The following CMAS variants were observed in gnomAD, a reference collection of about 807,000 sequenced individuals.
CMAS encodes cytidine monophosphate N-acetylneuraminic acid synthetase.
In CMAS, 21 loss-of-function variants were observed where a neutral mutation model predicts 53.4. The ratio of observed to expected loss-of-function variants is 0.39; its 90% CI spans 0.28 to 0.57. The LOEUF is 0.57. Ranked by LOEUF, CMAS falls within the 20% of genes least tolerant of loss-of-function variation. CMAS has a pLI of 0.56. For missense variants in CMAS, 384 were observed against 534.9 expected, an observed-to-expected ratio of 0.72 and a Z score of 2.78; for synonymous variants, 189 against 195.2, an observed-to-expected ratio of 0.97 and a Z score of 0.27.
chr12:22,064,530 A>G (rs1271323376), intron 7 of CMAS, among the ~76,000 whole-genome samples: 5 of 152,146 alleles, frequency 3.3e-5, no homozygotes, highest in African/African-American at 1.2e-4. Context: ...AGCTGGGGGT[A>G]TCTCAACATA....
At chr12:22,058,222 C>T (rs1425744675) in intron 3 of CMAS, among the ~76,000 whole-genome samples, 1 of 151,080 alleles carries the variant, frequency 6.6e-6, no homozygotes. Context: ...GTCAGGAGTT[C>T]GAGACCAGCC....
intron 3 of CMAS, among the ~76,000 whole-genome samples, chr12:22,056,610 A>C (rs1308469157): frequency 1.3e-5 from 2 of 152,086 alleles, no homozygotes; most frequent in Non-Finnish European, 2.9e-5. Context: ...TGATGACCAC[A>C]ATACTATTAT....
At position 22,065,214 on chromosome 12, in the gene CMAS, A is replaced by G; in HGVS notation, c.1208A>G (p.Tyr403Cys). Residue 403 changes from tyrosine (Y) to cysteine (C), a missense_variant, in exon 8 of 8, where the codon TAC becomes TGC. Transcript: ENST00000229329. The part of the protein sequence containing the change: ...ACSTAQKAVG[Y>C]ICKCNGGRGA... ...TCTACTGCCCAGAAGGCTGTTGGAT[A>G]CATTTGCAAATGTAATGGTGGCCGT... is the stretch of plus-strand genomic sequence containing the variant. The G allele has an allele frequency of 6.2e-7, 1 of 1,614,168 alleles. No individual in the cohort carries two copies. The highest frequency in any genetic ancestry group is 8.5e-7 in the Non-Finnish European group (1 of 1,180,000).
intron 1 of CMAS, among the ~76,000 whole-genome samples, chr12:22,052,635 A>T (rs762290603): frequency 6.6e-6 from 1 of 152,136 alleles, no homozygotes; most frequent in Non-Finnish European, 1.5e-5. Context: ...TCTCTATTTT[A>T]AAAATGCACT....
chr12:22,046,426 GC>G lies in CMAS; in HGVS notation c.128del (p.Pro43ArgfsTer6). 1 of 1,606,388 alleles carries G rather than the reference GC, an allele frequency of 6.2e-7. No homozygotes were observed. Among genetic ancestry groups the G allele is most frequent in the Non-Finnish European group, 8.5e-7 (1 of 1,177,338 alleles). On this transcript the variant is annotated frameshift_variant, in exon 1 of 8. Transcript: ENST00000229329. LOFTEE classifies it high-confidence loss of function. ...RGGQGRGVEKPPHLAALILAR... is the reference protein window; with the variant it reads ...RGGQGRGVEKXPHLAALILAR... ...GCGGCCAGGGCCGAGGTGTGGAGAA[GC>G]CCCCGCACCTGGCAGCCCTAATTCT...
intron 1 of CMAS, among the ~76,000 whole-genome samples, chr12:22,050,976 T>A (rs1195274534): frequency 6.6e-6 from 1 of 152,102 alleles, no homozygotes; most frequent in African/African-American, 2.4e-5. Context: ...CTACCCTCTC[T>A]TTTGTTTCTT....
chr12:22,049,077 GT>G (rs1406253973), intron 1 of CMAS, among the ~76,000 whole-genome samples: 2 of 152,156 alleles, frequency 1.3e-5, no homozygotes, highest in Non-Finnish European at 2.9e-5. Flanking sequence ...TTTGATAGCA[GT>G]CCTCATATTC....
intron 1 of CMAS, among the ~76,000 whole-genome samples, chr12:22,051,769 A>G (rs1482205192): frequency 6.6e-6 from 1 of 152,216 alleles, no homozygotes; most frequent in Admixed American, 6.5e-5. Flanking sequence ...AAGGTCTGGA[A>G]GCAGAACTTC....
Position 22,046,432 on chromosome 12 carries a change from G to T in CMAS, c.129G>T (p.Pro43=). The stretch of plus-strand genomic sequence containing the variant: ...AGGGCCGAGGTGTGGAGAAGCCCCC[G>T]CACCTGGCAGCCCTAATTCTGGCCC... ...GGQGRGVEKP[P]HLAALILARG... The change falls in exon 1 of 8, where the codon CCG becomes CCT. Residue 43 remains proline, a synonymous_variant. Coordinates refer to ENST00000229329, the MANE Select transcript of CMAS (RefSeq NM_018686.6). 6.2e-7 allele frequency: 1 copy of T among 1,608,248 alleles called. No homozygotes were observed. Among genetic ancestry groups the T allele is most frequent in the Non-Finnish European group, 8.5e-7 (1 of 1,178,014 alleles).
chr12:22,064,586 GGTT>G (rs2138191796), intron 7 of CMAS, among the ~76,000 whole-genome samples: 1 of 152,004 alleles, frequency 6.6e-6, no homozygotes, highest in Non-Finnish European at 1.5e-5. Flanking sequence ...TGATTTTGTG[GGTT>G]TAATGATATT....
chr12:22,055,322 C>T, intron 2 of CMAS, 31 bp downstream of exon 2: 1 of 1,519,588 alleles, frequency 6.6e-7, no homozygotes, highest in Non-Finnish European at 9.0e-7. Context: ...TTATTCAAAC[C>T]TTTATGTACT....
At chr12:22,049,914 A>AT (rs1304064636) in intron 1 of CMAS, among the ~76,000 whole-genome samples, 6 of 151,742 alleles carry the variant, frequency 4.0e-5, no homozygotes, top group African/African-American at 1.2e-4. Context: ...CAAAAAAAAA[A>AT]AAAAAATTTT....
At chr12:22,049,778 G>A (rs1950228809) in intron 1 of CMAS, among the ~76,000 whole-genome samples, 1 of 152,068 alleles carries the variant, frequency 6.6e-6, no homozygotes, top group African/African-American at 2.4e-5. Flanking sequence ...GGTGGTGCAT[G>A]CCTGTAATCC....
intron 4 of CMAS, chr12:22,060,511 G>A (rs1028891025): frequency 1.3e-4 from 22 of 175,092 alleles, no homozygotes; most frequent in African/African-American, 4.8e-4. Flanking sequence ...AAATTTAGCC[G>A]GACATGGTGC....
At position 22,059,126 on chromosome 12, in the gene CMAS, TTTTA is replaced by T. The variant is rs1313896253; in HGVS notation, c.693+428_693+431del. 1.0e-3 allele frequency among the ~76,000 whole-genome samples: 127 copies of T among 126,898 alleles called. 1 individual carries two copies. The highest frequency in any genetic ancestry group is 3.8e-3 in the African/African-American group (110 of 29,084). 83.3% of individuals were successfully genotyped at this position (126,898 alleles called of 152,430 possible). A position where few individuals can be genotyped will look rare whatever the true frequency, so the allele number is the denominator to read the frequency against. ...CTGGGTGTCAGGAAACCCGGAATCTTTTTATATATATATATATATATATTTTTTT... is the reference window on the plus strand; with the variant it reads ...CTGGGTGTCAGGAAACCCGGAATCTTTATATATATATATATATATTTTTTT... On this transcript the variant is annotated intron_variant, in intron 4 of 7. Transcript: ENST00000229329.
chr12:22,046,608 G>A, intron 1 of CMAS, 45 bp downstream of exon 1: 1 of 1,474,002 alleles, frequency 6.8e-7, no homozygotes, highest in African/African-American at 1.5e-5. Flanking sequence ...GCGGGGGTCG[G>A]GAGAGGGAGT....
chr12:22,046,250 G>C lies in CMAS; in HGVS notation c.-54G>C. ...GATCGGGCGGCGCCGAGCTGAGGTG[G>C]TGAGGGACTAGCTCCCGGATGTGGA... On this transcript the variant is annotated 5_prime_UTR_variant, in exon 1 of 8. Coordinates refer to ENST00000229329, the MANE Select transcript of CMAS (RefSeq NM_018686.6). 1 of 1,395,730 alleles carries C rather than the reference G, an allele frequency of 7.2e-7. No homozygotes were observed. Among genetic ancestry groups the C allele is most frequent in the South Asian group, 1.6e-5 (1 of 62,938 alleles). The allele number at this position is 1,395,730 out of a possible 1,614,324, so 86.5% of individuals were successfully genotyped here.
chr12:22,058,998 G>A (rs1445600895), intron 4 of CMAS, among the ~76,000 whole-genome samples: 2 of 151,704 alleles, frequency 1.3e-5, no homozygotes, highest in South Asian at 2.1e-4. Context: ...TCAAAACTAC[G>A]TAATCCATGT....
chr12:22,054,178 C>G (rs531890786), intron 1 of CMAS, among the ~76,000 whole-genome samples: 1 of 151,996 alleles, frequency 6.6e-6, no homozygotes. Flanking sequence ...CCACCCGCCT[C>G]GGCTTCCCAA....
Sources: gnomAD v4.1 joint callset for allele counts (sites outside exome capture counted in the v4.1 genomes callset) on GRCh38, gnomAD v4.1.1 for gene constraint, MANE v1.5 for transcripts, NCBI Gene and HGNC (gene_info 2026-07-23, HGNC 2026-07-21) for gene names.